The following ANO10 variants were observed in gnomAD, a reference collection of about 807,000 sequenced individuals.
ANO10 encodes the protein anoctamin-10.
Under a neutral mutation model 74.7 loss-of-function variants are expected in ANO10, and 77 were observed. That is an observed-to-expected ratio of 1.03 (90% CI 0.86 to 1.25). The LOEUF (loss-of-function observed/expected upper bound fraction) is 1.25. ANO10 is among the 50% of genes most tolerant of loss of function. The pLI, the probability that ANO10 is intolerant of heterozygous loss-of-function variation, is 0.00. For synonymous variants in ANO10, 279 were observed against 284.9 expected (o/e 0.98, Z 0.21); for missense variants, 721 against 778.1 (o/e 0.93, Z 0.87).
chr3:43,631,939 G>C (rs1003076982), intron 1 of ANO10, among the ~76,000 whole-genome samples: 7 of 151,870 alleles, frequency 4.6e-5, no homozygotes, highest in African/African-American at 9.7e-5. Flanking sequence ...AGAGCGTGGT[G>C]GTGGGCGCCT....
At chr3:43,490,673 A>G (rs1575248306) in intron 11 of ANO10, among the ~76,000 whole-genome samples, 2 of 152,242 alleles carry the variant, frequency 1.3e-5, no homozygotes, top group African/African-American at 4.8e-5. Context: ...ACAGAAACCA[A>G]TTTCACTTAC....
intron 1 of ANO10, among the ~76,000 whole-genome samples, chr3:43,676,139 T>C (rs1173459346): frequency 6.6e-6 from 1 of 152,106 alleles, no homozygotes; most frequent in Non-Finnish European, 1.5e-5. Context: ...TCCAAATAAT[T>C]ATGCTGGGAG....
intron 12 of ANO10, among the ~76,000 whole-genome samples, chr3:43,371,836 G>C (rs2091622768): frequency 6.6e-6 from 1 of 152,202 alleles, no homozygotes; most frequent in Admixed American, 6.5e-5. Flanking sequence ...GGCTTCTGAA[G>C]CACCTATTTT....
intron 11 of ANO10, among the ~76,000 whole-genome samples, chr3:43,499,980 T>C (rs2077043393): frequency 6.6e-6 from 1 of 151,996 alleles, no homozygotes; most frequent in African/African-American, 2.4e-5. Flanking sequence ...TACAGGTGCA[T>C]GCCACCACAC....
chr3:43,442,895 C>T (rs1268847479), intron 11 of ANO10, among the ~76,000 whole-genome samples: 1 of 152,178 alleles, frequency 6.6e-6, no homozygotes, highest in East Asian at 1.9e-4. Flanking sequence ...TATAGAAAGA[C>T]TGAAAACTCT....
chr3:43,388,223 T>A (rs1483001831), intron 12 of ANO10, among the ~76,000 whole-genome samples: 1 of 152,058 alleles, frequency 6.6e-6, no homozygotes, highest in African/African-American at 2.4e-5. Context: ...TCCTCCTGAG[T>A]GTGCAAGTGC....
chr3:43,599,412 C>G (rs1202008148), intron 3 of ANO10, among the ~76,000 whole-genome samples: 3 of 152,136 alleles, frequency 2.0e-5, no homozygotes, highest in Non-Finnish European at 4.4e-5. Flanking sequence ...ACCAACGACC[C>G]TATCACATTC....
At chr3:43,381,018 A>T (rs1433250182) in intron 12 of ANO10, among the ~76,000 whole-genome samples, 6 of 152,162 alleles carry the variant, frequency 3.9e-5, no homozygotes, top group African/African-American at 1.4e-4. Flanking sequence ...AGGAGAGAGA[A>T]GCGCCGAGCA....
chr3:43,661,374 CAGGCCTGCCTTACAAG>C lies in ANO10; in HGVS notation c.-12+30127_-12+30142del, dbSNP rs1430715708. On this transcript the variant is annotated intron_variant, in intron 1 of 3. Coordinates refer to the ANO10 transcript ENST00000413397. ...AAATGCTGAAAGATTTTGTCATCAC[CAGGCCTGCCTTACAAG>C]AGCTCCTGAAGGAAGCACTAAACAT... Among the ~76,000 whole-genome samples, 152 of 152,286 alleles carry C rather than the reference CAGGCCTGCCTTACAAG, an allele frequency of 1.0e-3. 1 individual carries two copies. The highest frequency in any genetic ancestry group is 3.5e-3 in the African/African-American group (144 of 41,560).
rs566776611 is a variant in ANO10, at chr3:43,657,473, C to T, written c.-12+34044G>A. On this transcript the variant is annotated intron_variant, in intron 1 of 3. Coordinates refer to the ANO10 transcript ENST00000413397. Reference sequence around the variant, plus strand: ...CCCTCAGTTCCATTTATTAGTTTTACCTTTAAATCGTTGGATTGCATCTTA... The same window carrying T: ...CCCTCAGTTCCATTTATTAGTTTTATCTTTAAATCGTTGGATTGCATCTTA... Among the ~76,000 whole-genome samples, 4 of 152,288 alleles carry T rather than the reference C, an allele frequency of 2.6e-5. No individual in the cohort carries two copies. The South Asian group carries it at 6.2e-4, about 24-fold the overall frequency.
intron 11 of ANO10, among the ~76,000 whole-genome samples, chr3:43,519,033 G>T (rs1338639041): frequency 6.6e-6 from 1 of 152,000 alleles, no homozygotes; most frequent in African/African-American, 2.4e-5. Flanking sequence ...GCGGCTCAGG[G>T]GGCATCATGG....
chr3:43,489,742 CTCTTT>C (rs1190957015), intron 11 of ANO10, among the ~76,000 whole-genome samples: 4 of 152,128 alleles, frequency 2.6e-5, no homozygotes, highest in African/African-American at 4.8e-5. Flanking sequence ...AAAAATATTT[CTCTTT>C]TCTTTTCTTT....
At chr3:43,387,466 G>A (rs1451785905) in intron 12 of ANO10, among the ~76,000 whole-genome samples, 3 of 152,146 alleles carry the variant, frequency 2.0e-5, no homozygotes, top group Admixed American at 2.0e-4. Context: ...GGTGATGGCT[G>A]AGATTTCTAG....
intron 7 of ANO10, among the ~76,000 whole-genome samples, chr3:43,568,095 A>G (rs1338602751): frequency 2.0e-5 from 3 of 152,200 alleles, no homozygotes; most frequent in Non-Finnish European, 4.4e-5. Flanking sequence ...GAAGGCCATT[A>G]CATAATGGTA....
At chr3:43,685,853 CATGTTCAAAAA>C (rs1559402492) in intron 1 of ANO10, among the ~76,000 whole-genome samples, 6 of 152,138 alleles carry the variant, frequency 3.9e-5, no homozygotes. Context: ...GGTTTCTTAA[CATGTTCAAAAA>C]AGATTTTCTA....
At chr3:43,422,404 C>T (rs763067085) in intron 12 of ANO10, among the ~76,000 whole-genome samples, 4 of 152,166 alleles carry the variant, frequency 2.6e-5, no homozygotes, top group Admixed American at 6.5e-5. Context: ...TGTTAGCCAC[C>T]GCGCCCACCC....
At chr3:43,423,970 G>A (rs887139544) in intron 12 of ANO10, among the ~76,000 whole-genome samples, 4 of 152,092 alleles carry the variant, frequency 2.6e-5, no homozygotes, top group Admixed American at 6.6e-5. Context: ...CTGATGTTAC[G>A]GTACCATTTT....
chr3:43,668,592 T>G (rs2084020001), intron 1 of ANO10, among the ~76,000 whole-genome samples: 1 of 152,142 alleles, frequency 6.6e-6, no homozygotes, highest in African/African-American at 2.4e-5. Context: ...CCATCTTGAG[T>G]TGATTTTTGT....
At chr3:43,599,418 C>T (rs1481159090) in intron 3 of ANO10, among the ~76,000 whole-genome samples, 7 of 152,164 alleles carry the variant, frequency 4.6e-5, no homozygotes, top group African/African-American at 1.7e-4. Flanking sequence ...GACCCTATCA[C>T]ATTCAGCAGG....
Sources: gnomAD v4.1 joint callset for allele counts (sites outside exome capture counted in the v4.1 genomes callset) on GRCh38, gnomAD v4.1.1 for gene constraint, MANE v1.5 for transcripts, NCBI Gene and HGNC (gene_info 2026-07-23, HGNC 2026-07-21) for gene names.